Variants in PBRM1 observed in about 807,000 individuals in gnomAD.
PBRM1 encodes polybromo 1.
PBRM1 carries 27 observed loss-of-function variants against 194.5 expected under a neutral mutation model. That is an observed-to-expected ratio of 0.14 (90% CI 0.10 to 0.19). PBRM1 has a LOEUF of 0.19. PBRM1 is among the 10% of genes least tolerant of loss of function. The pLI is 1.00. For missense variants in PBRM1, 1,466 were observed against 2,077.2 expected (o/e 0.71, Z 5.72); for synonymous variants, 655 against 693.2 (o/e 0.94, Z 0.87).
chr3:52,578,616 CT>C (rs1326019398), intron 21 of PBRM1, among the ~76,000 whole-genome samples: 1 of 152,244 alleles, frequency 6.6e-6, no homozygotes, highest in East Asian at 1.9e-4. Context: ...GTTTCATGCA[CT>C]ATGATTTGAG....
chr3:52,666,999 C>A (rs1256486180), intron 3 of PBRM1, among the ~76,000 whole-genome samples: 1 of 152,034 alleles, frequency 6.6e-6, no homozygotes, highest in African/African-American at 2.4e-5. Flanking sequence ...AGAAACAGAT[C>A]CATGAATACA....
chr3:52,646,053 C>T (rs2153743436), intron 7 of PBRM1, among the ~76,000 whole-genome samples: 1 of 152,218 alleles, frequency 6.6e-6, no homozygotes. Context: ...CTCTTTAAAA[C>T]TTAGTTAGAA....
At chr3:52,653,600 A>AG (rs2096551388) in intron 5 of PBRM1, among the ~76,000 whole-genome samples, 1 of 150,388 alleles carries the variant, frequency 6.6e-6, no homozygotes, top group African/African-American at 2.4e-5. Context: ...AAAAAAAAAA[A>AG]AAAGAAAGAA....
chr3:52,651,668 C>T, intron 6 of PBRM1, 74 bp downstream of exon 7: 1 of 777,104 alleles, frequency 1.3e-6, no homozygotes, highest in East Asian at 2.7e-5. Context: ...TCTCTGTTTT[C>T]TAAAAGCTTC....
At chr3:52,660,492 T>A (rs577304454) in intron 4 of PBRM1, among the ~76,000 whole-genome samples, 3 of 152,102 alleles carry the variant, frequency 2.0e-5, no homozygotes, top group Non-Finnish European at 2.9e-5. Context: ...GTATATATAT[T>A]TTGTGTATAT....
intron 26 of PBRM1, 29 bp downstream of exon 28, chr3:52,558,220 A>G: frequency 1.4e-6 from 2 of 1,443,136 alleles, no homozygotes; most frequent in Non-Finnish European, 1.9e-6. Context: ...CTTAAAGTGG[A>G]AAAAAATGGT....
chr3:52,547,940 G>T, downstream of PBRM1: 1 of 722,756 alleles, frequency 1.4e-6, no homozygotes, highest in Non-Finnish European at 2.3e-6. Context: ...ATGGCCTTGT[G>T]ATGTACAGTA....
intron 6 of PBRM1, among the ~76,000 whole-genome samples, chr3:52,650,469 T>C (rs753477707): frequency 5.3e-5 from 8 of 151,294 alleles, no homozygotes; most frequent in Non-Finnish European, 4.4e-5. Flanking sequence ...AAGTAAACAC[T>C]GTTACTCTTT....
Position 52,584,181 on chromosome 3 carries a change from T to C in PBRM1, c.3387+2244A>G, listed in dbSNP as rs75551918. Among the ~76,000 whole-genome samples, 1,907 of 152,274 alleles carry C rather than the reference T, an allele frequency of 0.013. 144 individuals are homozygous for C. In the East Asian group the frequency reaches 0.2, roughly 16 times the overall value. On this transcript the variant is annotated intron_variant, in intron 20 of 29. Transcript: ENST00000296302. The stretch of plus-strand genomic sequence containing the variant: ...TATGCAAGTCTTTTATGTCCTTCAG[T>C]AAATTTTTTTCCTAGAGGTTCTATA...
intron 17 of PBRM1, among the ~76,000 whole-genome samples, chr3:52,602,967 TA>T (rs2094110299): frequency 6.6e-6 from 1 of 152,240 alleles, no homozygotes; most frequent in Non-Finnish European, 1.5e-5. Context: ...ACTTGAACTT[TA>T]ACAGAAATGA....
chr3:52,645,301 A>G (rs532408061), intron 7 of PBRM1, among the ~76,000 whole-genome samples: 3 of 151,980 alleles, frequency 2.0e-5, no homozygotes, highest in Admixed American at 6.6e-5. Flanking sequence ...AATTTCATGA[A>G]TAGCAGATTC....
At position 52,644,698 on chromosome 3, in the gene PBRM1, A is replaced by G; in HGVS notation, c.899+6T>C. On this transcript the variant is annotated splice_donor_region_variant and intron_variant, in intron 8 of 29. Transcript: ENST00000296302. ...ACGCCCAGCCTAGACATTTTCTTAAACCTACCTCATTCGAAGACTTGACTT... is the reference window on the plus strand; with the variant it reads ...ACGCCCAGCCTAGACATTTTCTTAAGCCTACCTCATTCGAAGACTTGACTT... 6.8e-7 allele frequency: 1 copy of G among 1,462,042 alleles called. No individual in the cohort carries two copies. Among genetic ancestry groups the G allele is most frequent in the Non-Finnish European group, 9.5e-7 (1 of 1,047,584 alleles). 90.6% of individuals were successfully genotyped at this position (1,462,042 alleles called of 1,614,324 possible).
intron 22 of PBRM1, among the ~76,000 whole-genome samples, chr3:52,574,631 A>C (rs1488750506): frequency 6.6e-6 from 1 of 152,198 alleles, no homozygotes; most frequent in Non-Finnish European, 1.5e-5. Context: ...AATAGTGTAC[A>C]TGCTCAGAAA....
At chr3:52,564,693 G>A (rs1167979219) in intron 22 of PBRM1, among the ~76,000 whole-genome samples, 1 of 151,914 alleles carries the variant, frequency 6.6e-6, no homozygotes, top group Non-Finnish European at 1.5e-5. Context: ...ATTGGCATAA[G>A]GATAGAATAT....
chr3:52,581,915 C>T (rs1195022244), intron 20 of PBRM1, among the ~76,000 whole-genome samples: 2 of 152,134 alleles, frequency 1.3e-5, no homozygotes, highest in African/African-American at 2.4e-5. Flanking sequence ...GGATTACAGG[C>T]ATGAGCCACC....
At chr3:52,683,428 A>G (rs1057366085), upstream of PBRM1, among the ~76,000 whole-genome samples, 1 of 151,890 alleles carries the variant, frequency 6.6e-6, no homozygotes, top group African/African-American at 2.4e-5. Flanking sequence ...CCCCAGGCAC[A>G]GGAACAGCAT....
chr3:52,640,642 C>T (rs968964805), intron 10 of PBRM1, among the ~76,000 whole-genome samples: 1 of 150,120 alleles, frequency 6.7e-6, no homozygotes. Context: ...AGCCATATAA[C>T]CTCTTTTTCT....
intron 2 of PBRM1, among the ~76,000 whole-genome samples, chr3:52,674,479 CAAA>C (rs34865590): frequency 4.9e-5 from 3 of 61,338 alleles, no homozygotes; most frequent in African/African-American, 1.1e-4. Context: ...AACTCCATCT[CAAA>C]AAAAAAAAAA....
intron 27 of PBRM1, 67 bp from the exon 30 acceptor site, chr3:52,550,884 GA>G: frequency 1.0e-6 from 1 of 985,354 alleles, no homozygotes; most frequent in East Asian, 2.4e-5. Context: ...ACTACTGTCT[GA>G]TAAGAAATGA....
Sources: gnomAD v4.1 joint callset for allele counts (sites outside exome capture counted in the v4.1 genomes callset) on GRCh38, gnomAD v4.1.1 for gene constraint, MANE v1.5 for transcripts, NCBI Gene and HGNC (gene_info 2026-07-23, HGNC 2026-07-21) for gene names.